Variants in SPAG16 observed in about 807,000 individuals in gnomAD.
The protein encoded by SPAG16 is sperm associated antigen 16.
Under a neutral mutation model 80.4 loss-of-function variants are expected in SPAG16, and 86 were observed. The ratio of observed to expected loss-of-function variants is 1.07; its 90% CI spans 0.90 to 1.28. SPAG16 has a LOEUF of 1.28. Among genes scored for constraint, SPAG16 ranks in the 50% most tolerant of loss-of-function variants. SPAG16 has a pLI of 0.00. For missense variants in SPAG16, 870 were observed against 765.3 expected (o/e 1.14, Z -1.61); for synonymous variants, 294 against 265.9 (o/e 1.11, Z -1.03).
At chr2:213,379,390 G>T (rs2067050309) in intron 9 of SPAG16, among the ~76,000 whole-genome samples, 1 of 152,198 alleles carries the variant, frequency 6.6e-6, no homozygotes. Context: ...CAATTCTACG[G>T]TTTTATCAAT....
intron 9 of SPAG16, among the ~76,000 whole-genome samples, chr2:213,403,072 C>T (rs1191284901): frequency 6.6e-6 from 1 of 151,918 alleles, no homozygotes; most frequent in Non-Finnish European, 1.5e-5. Context: ...TATTTCTCCA[C>T]ATCCTCTCCA....
At position 214,014,103 on chromosome 2, in the gene SPAG16, C is replaced by T. The variant is rs1315343741; in HGVS notation, c.1527+26C>T. The T allele has an allele frequency of 2.5e-6, 4 of 1,608,484 alleles. No homozygotes were observed. In the African/African-American group the frequency reaches 5.4e-5, roughly 22 times the overall value. On this transcript the variant is annotated intron_variant, in intron 13 of 15. Transcript: ENST00000331683. The stretch of plus-strand genomic sequence containing the variant: ...GTAAGCAAATCATTCACTTTTTTTC[C>T]CAGCTTTTGATAAGTCTGATTACTC...
intron 15 of SPAG16, among the ~76,000 whole-genome samples, chr2:214,298,157 TATAC>T (rs370197925): frequency 0.62 from 80,658 of 130,866 alleles, 23,784 homozygotes; most frequent in South Asian, 0.7. Flanking sequence ...CACACACACA[TATAC>T]ACACACACAC....
chr2:213,339,811 T>TATTAAA (rs2064577152), intron 5 of SPAG16, among the ~76,000 whole-genome samples: 1 of 152,140 alleles, frequency 6.6e-6, no homozygotes, highest in Non-Finnish European at 1.5e-5. Context: ...AATTTTGAAT[T>TATTAAA]GTCATGTTTC....
intron 9 of SPAG16, among the ~76,000 whole-genome samples, chr2:213,467,083 AG>A: frequency 6.6e-6 from 1 of 152,196 alleles, no homozygotes; most frequent in Non-Finnish European, 1.5e-5. Context: ...GTCCTGGAGC[AG>A]TCTGCATTCC....
At chr2:213,804,479 C>T (rs1343345162) in intron 10 of SPAG16, among the ~76,000 whole-genome samples, 2 of 152,032 alleles carry the variant, frequency 1.3e-5, no homozygotes, top group Non-Finnish European at 2.9e-5. Flanking sequence ...GTCAAGAGAT[C>T]GAGACCGTCC....
chr2:213,337,650 A>G (rs903322777), intron 5 of SPAG16, among the ~76,000 whole-genome samples: 1 of 152,180 alleles, frequency 6.6e-6, no homozygotes, highest in Admixed American at 6.5e-5. Flanking sequence ...TTGCTGAAAT[A>G]AGACAGGCAG....
intron 15 of SPAG16, among the ~76,000 whole-genome samples, chr2:214,352,589 T>C (rs1282878249): frequency 7.2e-6 from 1 of 138,274 alleles, no homozygotes. Context: ...TGTGACTATC[T>C]CCTAACATTT....
intron 10 of SPAG16, among the ~76,000 whole-genome samples, chr2:213,627,215 G>A (rs1436223094): frequency 6.6e-6 from 1 of 152,160 alleles, no homozygotes; most frequent in Non-Finnish European, 1.5e-5. Flanking sequence ...GTCTGCAAGT[G>A]CTATAAGATC....
intron 15 of SPAG16, among the ~76,000 whole-genome samples, chr2:214,258,649 GGTAGATACCCA>G (rs1221272234): frequency 6.6e-6 from 1 of 151,650 alleles, no homozygotes; most frequent in East Asian, 1.9e-4. Context: ...TTTTGCTTTG[GGTAGATACCCA>G]GTAGATACCT....
intron 11 of SPAG16, among the ~76,000 whole-genome samples, chr2:213,925,159 T>C (rs1480839101): frequency 6.6e-6 from 1 of 152,020 alleles, no homozygotes; most frequent in Non-Finnish European, 1.5e-5. Flanking sequence ...TTTACAAGCA[T>C]TTTTGTTTTA....
At chr2:213,951,018 A>AT (rs2079746514) in intron 12 of SPAG16, among the ~76,000 whole-genome samples, 2 of 96,276 alleles carry the variant, frequency 2.1e-5, no homozygotes, top group Non-Finnish European at 2.1e-5. Context: ...AGCCTGACAT[A>AT]GTTTTTTTTT....
intron 10 of SPAG16, among the ~76,000 whole-genome samples, chr2:213,686,495 G>A (rs991045210): frequency 2.0e-5 from 3 of 152,002 alleles, no homozygotes; most frequent in Admixed American, 6.6e-5. Flanking sequence ...TTAGCATGAC[G>A]TATTATTTCC....
chr2:213,893,034 G>T lies in SPAG16; in HGVS notation c.1214+30406G>T, dbSNP rs187568079. ...TGATAATCAAACTCTCAAAAGTCAAGGACCAAGAGTGAATCCCAAAAACAG... is the reference window on the plus strand; with the variant it reads ...TGATAATCAAACTCTCAAAAGTCAATGACCAAGAGTGAATCCCAAAAACAG... On this transcript the variant is annotated intron_variant, in intron 11 of 15. Coordinates refer to ENST00000331683, the MANE Select transcript of SPAG16 (RefSeq NM_024532.5). Among the ~76,000 whole-genome samples, 24 of 151,896 alleles carry T rather than the reference G, an allele frequency of 1.6e-4. No homozygotes were observed. In the East Asian group the frequency reaches 4.5e-3, roughly 28 times the overall value.
chr2:214,315,849 C>G (rs538808690), intron 15 of SPAG16, among the ~76,000 whole-genome samples: 1 of 152,062 alleles, frequency 6.6e-6, no homozygotes, highest in Non-Finnish European at 1.5e-5. Context: ...TTCTTTTTAC[C>G]AAATTATGCG....
chr2:213,982,196 G>A (rs1210986341), intron 12 of SPAG16, among the ~76,000 whole-genome samples: 1 of 151,966 alleles, frequency 6.6e-6, no homozygotes, highest in African/African-American at 2.4e-5. Context: ...TCTAAAGTTA[G>A]TAAATTATTT....
At chr2:213,934,619 A>G (rs75054045) in intron 12 of SPAG16, among the ~76,000 whole-genome samples, 3,733 of 152,294 alleles carry the variant, frequency 0.025, 143 homozygotes, top group African/African-American at 0.081. Flanking sequence ...CTTCCATATT[A>G]GTTAGGCACT....
chr2:213,804,883 C>G (rs1417913640), intron 10 of SPAG16, among the ~76,000 whole-genome samples: 2 of 152,142 alleles, frequency 1.3e-5, no homozygotes, highest in African/African-American at 2.4e-5. Flanking sequence ...CAATTCACGT[C>G]GTGCCTCTTA....
chr2:214,359,570 C>T (rs1230657949), intron 15 of SPAG16, among the ~76,000 whole-genome samples: 1 of 151,848 alleles, frequency 6.6e-6, no homozygotes, highest in African/African-American at 2.4e-5. Context: ...ATTTCTTCAT[C>T]AATTGCAGAT....
Sources: allele counts gnomAD v4.1 joint callset (sites outside exome capture counted in the v4.1 genomes callset), GRCh38; gene constraint gnomAD v4.1.1; transcripts MANE v1.5; gene names NCBI Gene and HGNC (gene_info 2026-07-23, HGNC 2026-07-21).